FOCAD: variants seen among roughly 807,000 people sequenced by gnomAD.
FOCAD encodes focadhesin, also known as KIAA1797.
FOCAD carries 198 observed loss-of-function variants against 225.6 expected under a neutral mutation model. The observed-to-expected ratio is 0.88, with a 90% CI of 0.78 to 0.99. FOCAD has a LOEUF of 0.99. Ranked by LOEUF, FOCAD falls within the 50% of genes least tolerant of loss-of-function variation. The pLI, the probability that FOCAD is intolerant of heterozygous loss-of-function variation, is 0.00. For missense variants in FOCAD, 2,713 were observed against 2,123.6 expected (o/e 1.28, Z -5.46); for synonymous variants, 897 against 755.0 (o/e 1.19, Z -3.08).
chr9:20,687,279 A>G (rs1384667576), intron 1 of FOCAD, among the ~76,000 whole-genome samples: 1 of 152,234 alleles, frequency 6.6e-6, no homozygotes, highest in Non-Finnish European at 1.5e-5. Flanking sequence ...CCCGGGGACC[A>G]ATGAAGCATC....
chr9:20,944,536 G>C (rs1443168301), intron 28 of FOCAD, 91 bp from the exon 29 acceptor site: 2 of 1,444,144 alleles, frequency 1.4e-6, no homozygotes, highest in Admixed American at 1.9e-5. Context: ...TCTCACCAAG[G>C]TTTGAGAGCT....
intron 11 of FOCAD, among the ~76,000 whole-genome samples, chr9:20,791,089 T>C (rs1820479528): frequency 6.6e-6 from 1 of 152,324 alleles, no homozygotes. Context: ...GGATAATCTC[T>C]AGAATAGTTA....
rs1430294536 is a variant in FOCAD, at chr9:20,948,884, C to T, written c.3832C>T (p.His1278Tyr). 1 of 1,613,520 alleles carries T rather than the reference C, an allele frequency of 6.2e-7. No homozygotes were observed. Among genetic ancestry groups the T allele is most frequent in the Non-Finnish European group, 8.5e-7 (1 of 1,179,570 alleles). Residue 1278 changes from histidine (H) to tyrosine (Y), a missense_variant, in exon 32 of 44, where the codon CAT (histidine) becomes TAT (tyrosine). Coordinates refer to ENST00000338382, the MANE Select transcript of FOCAD (RefSeq NM_001375567.1). ...TPTMLCLAAL[H>Y]GMVALVGSEG... ...CACAATGCTTTGTCTGGCAGCTCTT[C>T]ATGGCATGGTGGCCTTGGTAGGCTC...
At chr9:20,725,995 A>G (rs907912615) in intron 4 of FOCAD, among the ~76,000 whole-genome samples, 54 of 152,330 alleles carry the variant, frequency 3.5e-4, no homozygotes, top group African/African-American at 1.2e-3. Flanking sequence ...ATTATTCCCT[A>G]GGGAGGGTGA....
chr9:20,775,297 T>A (rs1056269081), intron 8 of FOCAD, among the ~76,000 whole-genome samples: 4 of 152,088 alleles, frequency 2.6e-5, no homozygotes, highest in Non-Finnish European at 5.9e-5. Context: ...CCAGCAAAAT[T>A]AGGCAAAAAT....
At chr9:20,693,663 G>C (rs1823116995) in intron 1 of FOCAD, among the ~76,000 whole-genome samples, 1 of 152,154 alleles carries the variant, frequency 6.6e-6, no homozygotes, top group Non-Finnish European at 1.5e-5. Context: ...ACCATTATCT[G>C]AGGAAATTCC....
intron 4 of FOCAD, among the ~76,000 whole-genome samples, chr9:20,734,396 A>G (rs1021666529): frequency 6.6e-6 from 1 of 152,236 alleles, no homozygotes; most frequent in Admixed American, 6.5e-5. Flanking sequence ...AAAAACATTT[A>G]TATGCACATA....
chr9:20,658,048 C>T (rs1821559947), upstream of FOCAD, among the ~76,000 whole-genome samples: 1 of 146,654 alleles, frequency 6.8e-6, no homozygotes, highest in Non-Finnish European at 1.5e-5. Flanking sequence ...TGTGAGGTGT[C>T]AGTGTGCCCC....
chr9:20,782,561 A>G (rs147697674), intron 10 of FOCAD, among the ~76,000 whole-genome samples: 4 of 152,232 alleles, frequency 2.6e-5, no homozygotes, highest in Non-Finnish European at 4.4e-5. Flanking sequence ...TGGTTTGGAT[A>G]TTGGTTGGGT....
At position 20,766,198 on chromosome 9, in the gene FOCAD, A is replaced by G. The variant is rs17832225; in HGVS notation, c.699+1125A>G. 1.7e-3 allele frequency among the ~76,000 whole-genome samples: 265 copies of G among 152,236 alleles called. 2 individuals are homozygous for G. In the East Asian group the frequency reaches 0.043, roughly 25 times the overall value. On this transcript the variant is annotated intron_variant, in intron 7 of 43. Transcript: ENST00000338382. ...GTTGACAGGCTTAAATGCTTTTAGA[A>G]ATGAGCTCGGTGGAATATTTCTGGG...
At chr9:20,724,044 A>G (rs1826004345) in intron 4 of FOCAD, among the ~76,000 whole-genome samples, 1 of 152,130 alleles carries the variant, frequency 6.6e-6, no homozygotes. Flanking sequence ...CTGAGCAAGA[A>G]CTCACTTGTC....
At chr9:20,730,521 CCT>C (rs1826598976) in intron 4 of FOCAD, among the ~76,000 whole-genome samples, 2 of 152,116 alleles carry the variant, frequency 1.3e-5, no homozygotes, top group African/African-American at 4.8e-5. Context: ...GTCCTCTTCT[CCT>C]CTATTTTTAA....
intron 5 of FOCAD, among the ~76,000 whole-genome samples, chr9:20,746,683 A>T (rs1043141255): frequency 2.6e-5 from 4 of 152,180 alleles, no homozygotes; most frequent in African/African-American, 9.7e-5. Flanking sequence ...CTCTTATATA[A>T]CCAGAATATA....
At chr9:20,872,142 T>G (rs992864311) in intron 18 of FOCAD, among the ~76,000 whole-genome samples, 16 of 152,152 alleles carry the variant, frequency 1.1e-4, no homozygotes, top group African/African-American at 3.4e-4. Context: ...TATGCACATT[T>G]GAGATGCAGA....
chr9:20,841,981 A>C (rs1388334307), intron 15 of FOCAD, among the ~76,000 whole-genome samples: 3 of 151,910 alleles, frequency 2.0e-5, no homozygotes, highest in African/African-American at 7.2e-5. Flanking sequence ...GAAATTTAAA[A>C]ATTTCCTTCT....
At chr9:20,703,019 A>G (rs1824091535) in intron 1 of FOCAD, among the ~76,000 whole-genome samples, 1 of 152,188 alleles carries the variant, frequency 6.6e-6, no homozygotes, top group Non-Finnish European at 1.5e-5. Context: ...AAAAAAAACA[A>G]AACAAAACGG....
At chr9:20,813,604 G>A (rs1387130751) in intron 11 of FOCAD, among the ~76,000 whole-genome samples, 2 of 152,168 alleles carry the variant, frequency 1.3e-5, no homozygotes, top group Non-Finnish European at 2.9e-5. Context: ...GGTACTTAGT[G>A]TGATTTCAGT....
intron 5 of FOCAD, among the ~76,000 whole-genome samples, chr9:20,743,901 T>C (rs1827830812): frequency 6.6e-6 from 1 of 152,174 alleles, no homozygotes; most frequent in Admixed American, 6.5e-5. Context: ...ATGCCTCCTT[T>C]TCTTTGTCTA....
intron 39 of FOCAD, among the ~76,000 whole-genome samples, chr9:20,982,723 GA>G (rs1840810970): frequency 6.6e-6 from 1 of 152,210 alleles, no homozygotes; most frequent in Admixed American, 6.5e-5. Flanking sequence ...TAGGAATGAA[GA>G]AGGTGGTTGA....
Sources: allele counts gnomAD v4.1 joint callset (sites outside exome capture counted in the v4.1 genomes callset), GRCh38; gene constraint gnomAD v4.1.1; transcripts MANE v1.5; gene names NCBI Gene and HGNC (gene_info 2026-07-23, HGNC 2026-07-21).